TNIP1: variants seen among roughly 807,000 people sequenced by gnomAD.
TNIP1 encodes the protein TNFAIP3-interacting protein 1.
In TNIP1, 22 loss-of-function variants were observed where a neutral mutation model predicts 86.6. The observed-to-expected ratio is 0.25, with a 90% CI of 0.18 to 0.36. The LOEUF (loss-of-function observed/expected upper bound fraction) is 0.36. Ranked by LOEUF, TNIP1 falls within the 10% of genes least tolerant of loss-of-function variation. The pLI, the probability that TNIP1 is intolerant of heterozygous loss-of-function variation, is 1.00. For synonymous variants in TNIP1, 294 were observed against 313.0 expected (o/e 0.94, Z 0.64); for missense variants, 709 against 820.6 (o/e 0.86, Z 1.66).
chr5:151,062,281 G>T (rs1276413510), intron 3 of TNIP1, 69 bp from the exon 4 acceptor site: 1 of 1,396,634 alleles, frequency 7.2e-7, no homozygotes, highest in African/African-American at 1.4e-5. Context: ...CCCTCTCAAG[G>T]ACAGCCCTTG....
At chr5:151,061,460 T>C (rs1761556548) in intron 4 of TNIP1, among the ~76,000 whole-genome samples, 1 of 151,666 alleles carries the variant, frequency 6.6e-6, no homozygotes, top group African/African-American at 2.4e-5. Context: ...CAAGCAAAAC[T>C]TCTCCAGCCA....
chr5:151,065,956 T>C (rs1157917427), intron 1 of TNIP1, among the ~76,000 whole-genome samples: 1 of 152,116 alleles, frequency 6.6e-6, no homozygotes, highest in East Asian at 1.9e-4. Context: ...GGAAAGGTGA[T>C]TTTAGAATCC....
At chr5:151,073,887 A>T (rs912446373) in intron 1 of TNIP1, among the ~76,000 whole-genome samples, 1 of 152,158 alleles carries the variant, frequency 6.6e-6, no homozygotes, top group African/African-American at 2.4e-5. Flanking sequence ...TGACAGACTA[A>T]TACTCTGTCT....
chr5:151,043,445 T>C (rs1481604177), intron 9 of TNIP1, among the ~76,000 whole-genome samples: 1 of 152,062 alleles, frequency 6.6e-6, no homozygotes. Flanking sequence ...AAAGAAACGA[T>C]AGTATAAACA....
chr5:151,084,995 C>G (rs1764225082), upstream of TNIP1, among the ~76,000 whole-genome samples: 1 of 152,192 alleles, frequency 6.6e-6, no homozygotes. Context: ...AGCTTCTCTC[C>G]TCAGCCTAAG....
At chr5:151,062,865 G>C (rs1761759130) in intron 3 of TNIP1, among the ~76,000 whole-genome samples, 1 of 152,268 alleles carries the variant, frequency 6.6e-6, no homozygotes, top group South Asian at 2.1e-4. Context: ...TTCAGCAAAT[G>C]CAACCACCAG....
At chr5:151,052,675 C>T (rs1040487617) in intron 6 of TNIP1, among the ~76,000 whole-genome samples, 49 of 152,378 alleles carry the variant, frequency 3.2e-4, no homozygotes, top group African/African-American at 7.2e-4. Flanking sequence ...AGGCTAACTC[C>T]GTTATCCTTG....
chr5:151,049,854 T>C lies in TNIP1; in HGVS notation c.816A>G (p.Thr272=). The change falls in exon 8 of 18, where the codon ACA becomes ACG. Residue 272 remains threonine (T), a synonymous_variant. Coordinates refer to ENST00000521591, the MANE Select transcript of TNIP1 (RefSeq NM_006058.5). ...GRPGSPKMEG[T]GKKAVAGQQQ... ...GCTGTCCAGCCACTGCCTTCTTGCC[T>C]GTCCCTTCCATCTTCGGTGAGCCTG... The C allele has an allele frequency of 6.2e-7, 1 of 1,614,208 alleles. No homozygotes were observed. The highest frequency in any genetic ancestry group is 1.1e-5 in the South Asian group (1 of 91,076).
At chr5:151,064,003 C>T (rs1292754365) in intron 2 of TNIP1, among the ~76,000 whole-genome samples, 1 of 152,184 alleles carries the variant, frequency 6.6e-6, no homozygotes, top group African/African-American at 2.4e-5. Flanking sequence ...AACTCCTCGG[C>T]TCCCCCAACC....
rs567642121 is a variant in TNIP1, at chr5:151,052,313, G to A, written c.628-54C>T. On this transcript the variant is annotated intron_variant, in intron 6 of 17. Coordinates refer to ENST00000521591, the MANE Select transcript of TNIP1 (RefSeq NM_006058.5). ...GGGAAAGGAGGGGCCCCTCCCAGGTGCAGGCTGAGCTAGAGGATGGTGGGG... is the reference window on the plus strand; with the variant it reads ...GGGAAAGGAGGGGCCCCTCCCAGGTACAGGCTGAGCTAGAGGATGGTGGGG... 1.6e-4 allele frequency: 239 copies of A among 1,477,158 alleles called. 3 individuals carry two copies. The South Asian group carries it at 2.5e-3, about 15-fold the overall frequency. 91.5% of individuals were successfully genotyped at this position (1,477,158 alleles called of 1,614,324 possible). A position where few individuals can be genotyped will look rare whatever the true frequency, so the allele number is the denominator to read the frequency against.
intron 11 of TNIP1, among the ~76,000 whole-genome samples, chr5:151,041,071 C>CTTT (rs397944698): frequency 2.9e-5 from 4 of 139,458 alleles, no homozygotes; most frequent in East Asian, 2.1e-4. Context: ...CTTCGTAGTA[C>CTTT]TTTTTTTTTT....
chr5:151,069,287 T>C (rs1456478776), intron 1 of TNIP1, among the ~76,000 whole-genome samples: 1 of 152,266 alleles, frequency 6.6e-6, no homozygotes, highest in Non-Finnish European at 1.5e-5. Flanking sequence ...TGTCAGATTA[T>C]CTTCCCATTA....
intron 11 of TNIP1, 126 bp downstream of exon 11, chr5:151,042,414 G>T: frequency 7.5e-7 from 1 of 1,334,164 alleles, no homozygotes; most frequent in Non-Finnish European, 1.0e-6. Context: ...TGTGTTTTTG[G>T]TCACCTAGCT....
intron 8 of TNIP1, among the ~76,000 whole-genome samples, 195 bp downstream of exon 8, chr5:151,049,629 T>G (rs369643112): frequency 6.6e-6 from 1 of 152,204 alleles, no homozygotes; most frequent in Non-Finnish European, 1.5e-5. Flanking sequence ...ATGAGGCCCA[T>G]GAAGCCACAG....
intron 6 of TNIP1, 42 bp downstream of exon 6, chr5:151,056,724 G>T: frequency 7.0e-7 from 1 of 1,434,002 alleles, no homozygotes. Flanking sequence ...TCGGGGGGAA[G>T]CACGCCTGCC....
chr5:151,076,298 C>T (rs187741130), intron 1 of TNIP1, among the ~76,000 whole-genome samples: 347 of 152,316 alleles, frequency 2.3e-3, no homozygotes, highest in Non-Finnish European at 3.4e-3. Context: ...TGGATACCCT[C>T]CCTACAGACG....
chr5:151,062,041 C>A (rs1761636587), intron 4 of TNIP1, 86 bp downstream of exon 4: 4 of 1,265,786 alleles, frequency 3.2e-6, no homozygotes, highest in Non-Finnish European at 4.5e-6. Context: ...TTGACCTCAA[C>A]CCTCTTTCTT....
chr5:151,075,642 CTA>C (rs1763304054), intron 1 of TNIP1, among the ~76,000 whole-genome samples: 1 of 152,250 alleles, frequency 6.6e-6, no homozygotes, highest in South Asian at 2.1e-4. Flanking sequence ...TTCTAAAAGT[CTA>C]TGTTGCCAGT....
In TNIP1 at chr5:151,035,699, G is replaced by T. The variant is rs750719064; in HGVS notation, c.1404C>A (p.Ile468=). ...QNELLKQQVK[I]FEEDFQRERS... is the part of the protein sequence containing the mutation. ...GCTCCCTCTGGAAGTCCTCCTCGAA[G>T]ATCTTCACCTGGTGTGGAGGGAGGG... Residue 468 remains isoleucine, a synonymous_variant, in exon 14 of 18, where the codon ATC becomes ATA. Coordinates refer to ENST00000521591, the MANE Select transcript of TNIP1 (RefSeq NM_006058.5). The T allele has an allele frequency of 6.2e-7, 1 of 1,614,090 alleles. No individual in the cohort carries two copies. Among genetic ancestry groups the T allele is most frequent in the Admixed American group, 1.7e-5 (1 of 60,022 alleles).
Sources: allele counts gnomAD v4.1 joint callset (sites outside exome capture counted in the v4.1 genomes callset), GRCh38; gene constraint gnomAD v4.1.1; transcripts MANE v1.5; gene names NCBI Gene and HGNC (gene_info 2026-07-23, HGNC 2026-07-21).